ZNRF3: variants seen among roughly 807,000 people sequenced by gnomAD.
The protein encoded by ZNRF3 is E3 ubiquitin-protein ligase ZNRF3.
ZNRF3 carries 23 observed loss-of-function variants against 72.5 expected under a neutral mutation model. The observed-to-expected ratio is 0.32, with a 90% CI of 0.23 to 0.45. The LOEUF (loss-of-function observed/expected upper bound fraction) is 0.45. ZNRF3 is among the 20% of genes least tolerant of loss of function. The pLI is 1.00. For synonymous variants in ZNRF3, 610 were observed against 545.3 expected, an observed-to-expected ratio of 1.12 and a Z score of -1.65; for missense variants, 1,169 against 1,272.1, an observed-to-expected ratio of 0.92 and a Z score of 1.23.
At chr22:28,923,487 C>T (rs748867792) in intron 1 of ZNRF3, among the ~76,000 whole-genome samples, 2 of 151,618 alleles carry the variant, frequency 1.3e-5, no homozygotes, top group Non-Finnish European at 2.9e-5. Flanking sequence ...TTAAAAATAG[C>T]AAAGGGTCAG....
In ZNRF3 at chr22:29,050,292, G is replaced by T. The variant is rs1164907056; in HGVS notation, c.2111G>T (p.Gly704Val). Residue 704 changes from glycine (G) to valine (V), a missense_variant, in exon 8 of 9, where the codon GGC (glycine) becomes GTC (valine). Gly to Val is a moderately radical substitution (Grantham distance 109, BLOSUM62 -3). Around this residue, in one of 2 missense-constraint regions of ZNRF3, gnomAD observed 783 missense variants for 731.4 expected, o/e 1.07. Transcript: ENST00000544604. ...APDLRRTWKG[G>V]HELPSCACCC... ...GACCTCAGGAGGACCTGGAAGGGGG[G>T]CCACGAGTTGCCGTCGTGTGCCTGC... 5 of 1,597,636 alleles carry T rather than the reference G, an allele frequency of 3.1e-6. No homozygotes were observed. The African/African-American group carries it at 6.7e-5, about 21-fold the overall frequency.
intron 1 of ZNRF3, among the ~76,000 whole-genome samples, chr22:28,888,638 T>C (rs1319959079): frequency 1.3e-5 from 2 of 151,504 alleles, no homozygotes; most frequent in Non-Finnish European, 2.9e-5. Flanking sequence ...GGGAAAGTAG[T>C]GATGGTTTCC....
At chr22:28,887,123 A>G (rs866806973) in intron 1 of ZNRF3, among the ~76,000 whole-genome samples, 2 of 149,376 alleles carry the variant, frequency 1.3e-5, no homozygotes, top group Non-Finnish European at 2.9e-5. Context: ...TTTAGGGGAG[A>G]AAAAACCTGT....
intron 1 of ZNRF3, among the ~76,000 whole-genome samples, chr22:28,912,667 T>C (rs1028161722): frequency 1.2e-4 from 17 of 146,546 alleles, no homozygotes; most frequent in African/African-American, 3.2e-4. Flanking sequence ...TCTTTCTTTT[T>C]TTTTTTTTTT....
At chr22:28,917,294 C>CG in intron 1 of ZNRF3, 1 of 250,486 alleles carries the variant, frequency 4.0e-6, no homozygotes, top group Non-Finnish European at 6.2e-6. Flanking sequence ...CACACACACA[C>CG]ACACACACAC....
chr22:28,931,644 T>C (rs2034709264), intron 1 of ZNRF3, among the ~76,000 whole-genome samples: 1 of 152,142 alleles, frequency 6.6e-6, no homozygotes, highest in Admixed American at 6.5e-5. Context: ...CATCTGTCCA[T>C]CTGTCCACAC....
chr22:29,041,604 A>G (rs2036963662), intron 2 of ZNRF3, among the ~76,000 whole-genome samples: 1 of 152,080 alleles, frequency 6.6e-6, no homozygotes, highest in Admixed American at 6.5e-5. Flanking sequence ...TACACAACTC[A>G]GTTTCCTGGG....
Position 29,049,265 on chromosome 22 carries a change from G to T in ZNRF3, c.1084G>T (p.Val362Leu). 6.2e-7 allele frequency: 1 copy of T among 1,613,866 alleles called. No homozygotes were observed. Among genetic ancestry groups the T allele is most frequent in the Non-Finnish European group, 8.5e-7 (1 of 1,179,924 alleles). ...CCTCTCACGTGGTCGGCAGCAGAGG[G>T]TGACCCTGCCGGTGCATTACCCCGG... is the stretch of plus-strand genomic sequence containing the variant. ...SNLSRGRQQR[V>L]TLPVHYPGRV... Residue 362 changes from valine (V) to leucine (L), a missense_variant, in exon 8 of 9, where the codon GTG becomes TTG. By Grantham distance (32) the Val-to-Leu change is conservative (BLOSUM62 1). Coordinates refer to ENST00000544604, the MANE Select transcript of ZNRF3 (RefSeq NM_001206998.2). The surrounding 1 kb of genome is among the most constrained non-coding windows in gnomAD (Gnocchi z 5.2).
intron 1 of ZNRF3, among the ~76,000 whole-genome samples, chr22:28,908,838 T>A (rs2034262200): frequency 6.6e-6 from 1 of 152,172 alleles, no homozygotes; most frequent in South Asian, 2.1e-4. Context: ...AAGCTATTGG[T>A]CTAGTAGAGA....
intron 2 of ZNRF3, among the ~76,000 whole-genome samples, chr22:29,040,354 C>G (rs534513155): frequency 1.4e-3 from 206 of 152,152 alleles, no homozygotes; most frequent in African/African-American, 4.7e-3. Flanking sequence ...TGATTTTTTG[C>G]ATTTTTAGTA....
At chr22:28,971,533 A>G (rs1005356853) in intron 1 of ZNRF3, among the ~76,000 whole-genome samples, 1 of 152,194 alleles carries the variant, frequency 6.6e-6, no homozygotes, top group Non-Finnish European at 1.5e-5. Context: ...GTGGTAGAAT[A>G]AAGACTGACA....
chr22:28,920,685 A>G (rs1445077908), intron 1 of ZNRF3, among the ~76,000 whole-genome samples: 3 of 152,198 alleles, frequency 2.0e-5, no homozygotes, highest in African/African-American at 4.8e-5. Context: ...TACAATAGCT[A>G]TGCTTTTTTC....
chr22:28,985,384 C>CCT (rs1164403612), intron 1 of ZNRF3, among the ~76,000 whole-genome samples: 2 of 152,032 alleles, frequency 1.3e-5, no homozygotes, highest in South Asian at 2.1e-4. Context: ...TTGGAACTGA[C>CCT]CTCTCTCTCT....
rs767659928 is a variant in ZNRF3 at position 29,045,346 on chromosome 22, G to A, written c.744+456G>A. Among the ~76,000 whole-genome samples, 133 of 126,694 alleles carry A rather than the reference G, an allele frequency of 1.0e-3. 1 individual carries two copies. The highest frequency in any genetic ancestry group is 1.7e-3 in the Non-Finnish European group (105 of 62,680). The allele number at this position is 126,694 out of a possible 152,430, so 83.1% of individuals were successfully genotyped here. A position where few individuals can be genotyped will look rare whatever the true frequency, so the allele number is the denominator to read the frequency against. On this transcript the variant is annotated intron_variant, in intron 5 of 8. Coordinates refer to ENST00000544604, the MANE Select transcript of ZNRF3 (RefSeq NM_001206998.2). ...ACTGCATTCCAGCCTGGGTAACAGA[G>A]TAAGACCCTGTCTCACAAAAAAAAA...
intron 2 of ZNRF3, among the ~76,000 whole-genome samples, chr22:29,033,650 G>GA (rs1038584931): frequency 6.6e-6 from 1 of 152,140 alleles, no homozygotes; most frequent in Non-Finnish European, 1.5e-5. Context: ...CAGTGGGGAT[G>GA]AAAAAACGAT....
intron 1 of ZNRF3, among the ~76,000 whole-genome samples, chr22:28,932,251 C>T (rs1424026888): frequency 6.6e-6 from 1 of 152,118 alleles, no homozygotes; most frequent in Non-Finnish European, 1.5e-5. Context: ...GCTGTTCTGT[C>T]TCCTGGCCTT....
intron 8 of ZNRF3, 133 bp from the exon 9 acceptor site, chr22:29,053,446 A>G (rs2037243414): frequency 4.0e-6 from 3 of 742,524 alleles, no homozygotes; most frequent in Non-Finnish European, 6.6e-6. Flanking sequence ...CCCTCTGGGA[A>G]CAGGAACCTG....
At chr22:29,001,160 C>T (rs1234837801) in intron 2 of ZNRF3, among the ~76,000 whole-genome samples, 1 of 148,766 alleles carries the variant, frequency 6.7e-6, no homozygotes, top group Non-Finnish European at 1.5e-5. Context: ...GCTCCGCCTC[C>T]TGGGTTCACA....
In ZNRF3 at chr22:29,055,116, A is replaced by G. The variant is rs141618340; in HGVS notation, c.*1494A>G. 1 of 152,814 alleles carries G rather than the reference A, an allele frequency of 6.5e-6. No individual in the cohort carries two copies. Among genetic ancestry groups the G allele is most frequent in the Non-Finnish European group, 1.5e-5 (1 of 68,050 alleles). The allele number at this position is 152,814 out of a possible 1,614,324, so 9.5% of individuals were successfully genotyped here. A position where few individuals can be genotyped will look rare whatever the true frequency, so the allele number is the denominator to read the frequency against. ...GTGGTTTTAAGGTGTTTCATTTTTA[A>G]AAGGGAGAGAGAATCTATTTAAAGC... is the stretch of plus-strand genomic sequence containing the variant. On this transcript the variant is annotated 3_prime_UTR_variant, in exon 9 of 9. Coordinates refer to ENST00000544604, the MANE Select transcript of ZNRF3 (RefSeq NM_001206998.2).
Sources: gnomAD v4.1 joint callset for allele counts (sites outside exome capture counted in the v4.1 genomes callset) on GRCh38, gnomAD v4.1.1 for gene constraint, gnomAD v4.1.1 regional missense constraint, Gnocchi (gnomAD v3.1) non-coding constraint, MANE v1.5 for transcripts, NCBI Gene and HGNC (gene_info 2026-07-23, HGNC 2026-07-21) for gene names.